SI: variants seen among roughly 807,000 people sequenced by gnomAD.
SI encodes sucrase-isomaltase, intestinal.
A neutral mutation model predicts 253.3 loss-of-function variants in SI; 235 were observed. The observed-to-expected ratio is 0.93, with a 90% confidence interval of 0.83 to 1.03. The LOEUF (loss-of-function observed/expected upper bound fraction) is 1.03. Among genes scored for constraint, SI ranks in the 50% least tolerant of loss-of-function variants. The probability of loss-of-function intolerance (pLI) is 0.00; values close to 1 mark genes in which losing one functional copy is unlikely to be tolerated. For missense variants in SI, 2,442 were observed against 2,211.1 expected (o/e 1.10, Z -2.09); for synonymous variants, 819 against 712.0 (o/e 1.15, Z -2.39).
intron 33 of SI, 25 bp from the exon 34 acceptor site, chr3:165,013,067 G>A: frequency 6.7e-7 from 1 of 1,488,170 alleles, no homozygotes; most frequent in Non-Finnish European, 9.4e-7. Context: ...ACATGGAAAA[G>A]CTGATCAAAA....
intron 44 of SI, among the ~76,000 whole-genome samples, chr3:164,988,734 AAAGC>A (rs1381364312): frequency 6.6e-6 from 1 of 152,172 alleles, no homozygotes; most frequent in Non-Finnish European, 1.5e-5. Context: ...TTTGAATGTC[AAAGC>A]AAGGAATTTT....
At chr3:165,028,537 C>A (rs931735477) in intron 25 of SI, among the ~76,000 whole-genome samples, 8 of 151,336 alleles carry the variant, frequency 5.3e-5, no homozygotes, top group African/African-American at 1.7e-4. Flanking sequence ...TAATTTCAAA[C>A]TATACTATAA....
chr3:165,063,369 A>G, intron 8 of SI, 73 bp downstream of exon 8: 2 of 737,566 alleles, frequency 2.7e-6, no homozygotes, highest in Non-Finnish European at 4.9e-6. Context: ...AATATGAATG[A>G]TTGAAATAAA....
Position 165,055,190 on chromosome 3 carries a change from T to C in SI, c.1512+4A>G. ...AAAACCATTGGTTTAAAATAGCTAC[T>C]TACAATCCAAAGTCCATCATATTGC... On this transcript the variant is annotated splice_donor_region_variant and intron_variant, in intron 13 of 47. Coordinates refer to ENST00000264382, the MANE Select transcript of SI (RefSeq NM_001041.4). The C allele has an allele frequency of 2.6e-6, 4 of 1,557,932 alleles. No individual in the cohort carries two copies. The highest frequency in any genetic ancestry group is 3.5e-6 in the Non-Finnish European group (4 of 1,129,534).
intron 37 of SI, among the ~76,000 whole-genome samples, chr3:165,004,212 C>T (rs1313239955): frequency 6.6e-6 from 1 of 151,988 alleles, no homozygotes; most frequent in Non-Finnish European, 1.5e-5. Context: ...TCAACATCAT[C>T]GATCATCAGA....
chr3:165,038,160 TAGG>T, intron 20 of SI, 136 bp from the exon 21 acceptor site: 1 of 759,628 alleles, frequency 1.3e-6, no homozygotes, highest in Non-Finnish European at 2.0e-6. Flanking sequence ...TTTCTAACTT[TAGG>T]AGAATTTTTT....
intron 40 of SI, among the ~76,000 whole-genome samples, chr3:164,995,192 C>T (rs552176360): frequency 5.3e-4 from 81 of 151,670 alleles, no homozygotes; most frequent in African/African-American, 1.9e-3. Context: ...ATGATGATTC[C>T]AATTTTTCTG....
chr3:164,982,938 A>AC (rs1413976034), intron 46 of SI, 64 bp downstream of exon 46: 3 of 1,489,842 alleles, frequency 2.0e-6, no homozygotes, highest in African/African-American at 2.8e-5. Context: ...GGCATGAGCC[A>AC]CCCCACCCAG....
chr3:165,031,409 T>C (rs1191478979), intron 24 of SI, among the ~76,000 whole-genome samples: 18 of 148,566 alleles, frequency 1.2e-4, no homozygotes, highest in Non-Finnish European at 1.5e-5. Context: ...TAGCCACAGA[T>C]AGACCTTTAT....
chr3:165,039,836 T>C (rs775581134), intron 19 of SI, 51 bp downstream of exon 19: 3 of 1,237,380 alleles, frequency 2.4e-6, no homozygotes, highest in Non-Finnish European at 3.6e-6. Flanking sequence ...GTAGGGTCGA[T>C]TTAGTTATAC....
chr3:165,074,776 G>GC, intron 2 of SI, 109 bp from the exon 3 acceptor site: 1 of 920,558 alleles, frequency 1.1e-6, no homozygotes, highest in Non-Finnish European at 1.7e-6. Flanking sequence ...CATATAAAAT[G>GC]AAAATTTTAA....
chr3:165,061,291 T>C (rs970734681), intron 9 of SI, among the ~76,000 whole-genome samples: 2 of 151,928 alleles, frequency 1.3e-5, no homozygotes, highest in African/African-American at 4.8e-5. Context: ...TGTTTGACAA[T>C]TGGAATATCA....
intron 31 of SI, 86 bp downstream of exon 31, chr3:165,017,462 C>A (rs1719092412): frequency 2.2e-6 from 3 of 1,357,660 alleles, no homozygotes; most frequent in Non-Finnish European, 3.1e-6. Context: ...TTACCAGCTG[C>A]TTAAATTAAA....
Position 164,979,219 on chromosome 3 carries a change from G to A in SI, c.*143C>T. 1.5e-6 allele frequency: 1 copy of A among 673,282 alleles called. No homozygotes were observed. Among genetic ancestry groups the A allele is most frequent in the Non-Finnish European group, 2.7e-6 (1 of 367,960 alleles). The allele number at this position is 673,282 out of a possible 1,614,324, so 41.7% of individuals were successfully genotyped here. ...TAATAAAATTAGCATTATCATTGATGTACGCTACAAAATAACTTTTCGATG... is the reference window on the plus strand; with the variant it reads ...TAATAAAATTAGCATTATCATTGATATACGCTACAAAATAACTTTTCGATG... On this transcript the variant is annotated 3_prime_UTR_variant, in exon 48 of 48. Transcript: ENST00000264382.
chr3:165,023,524 T>C (rs1711739106), intron 26 of SI, 46 bp downstream of exon 26: 1 of 1,255,000 alleles, frequency 8.0e-7, no homozygotes, highest in East Asian at 2.3e-5. Context: ...CAAAATCTCA[T>C]CTCACAAGAT....
At chr3:165,038,485 G>T (rs1036501146) in intron 20 of SI, among the ~76,000 whole-genome samples, 1 of 151,058 alleles carries the variant, frequency 6.6e-6, no homozygotes, top group South Asian at 2.1e-4. Flanking sequence ...CATGGCGGGC[G>T]GATCACAAGG....
rs200231625 is a variant in SI, at chr3:165,036,487, A to T, written c.2427-10T>A. ...TAGAGGATTCTTACGGCTGTTAAGAAAAATTAGGTGCATATATGGTTAAAA... is the reference window on the plus strand; with the variant it reads ...TAGAGGATTCTTACGGCTGTTAAGATAAATTAGGTGCATATATGGTTAAAA... On this transcript the variant is annotated splice_polypyrimidine_tract_variant and intron_variant, in intron 21 of 47. Transcript: ENST00000264382. 1 of 1,583,694 alleles carries T rather than the reference A, an allele frequency of 6.3e-7. No individual in the cohort carries two copies. The highest frequency in any genetic ancestry group is 1.3e-5 in the African/African-American group (1 of 74,402).
intron 27 of SI, 64 bp downstream of exon 27, chr3:165,021,165 T>C: frequency 2.1e-6 from 3 of 1,446,722 alleles, no homozygotes; most frequent in Non-Finnish European, 2.9e-6. Flanking sequence ...TGTTAATCAT[T>C]TTACTTTTCC....
At chr3:165,059,111 T>A (rs531266359) in intron 11 of SI, 29 bp from the exon 12 acceptor site, 2 of 1,576,512 alleles carry the variant, frequency 1.3e-6, no homozygotes, top group Non-Finnish European at 1.7e-6. Flanking sequence ...AACTGCAAAA[T>A]CTATTAACTT....
Sources: gnomAD v4.1 joint callset for allele counts (sites outside exome capture counted in the v4.1 genomes callset) on GRCh38, gnomAD v4.1.1 for gene constraint, MANE v1.5 for transcripts, NCBI Gene and HGNC (gene_info 2026-07-23, HGNC 2026-07-21) for gene names.